Variants in PCDHA8 observed in about 807,000 individuals in gnomAD.
The protein encoded by PCDHA8 is protocadherin alpha 8.
A neutral mutation model predicts 61.8 loss-of-function variants in PCDHA8; 53 were observed. The ratio of observed to expected loss-of-function variants is 0.86; its 90% CI spans 0.69 to 1.08. The LOEUF (loss-of-function observed/expected upper bound fraction) is 1.08, where lower values mean the gene tolerates loss of function less well. PCDHA8 is among the 50% of genes least tolerant of loss of function. The pLI is 0.00. For synonymous variants in PCDHA8, 618 were observed against 556.6 expected (o/e 1.11, Z -1.55); for missense variants, 1,293 against 1,245.0 (o/e 1.04, Z -0.58).
intron 1 of PCDHA8, chr5:140,876,905 C>T (rs782526620): frequency 2.5e-6 from 4 of 1,614,032 alleles, no homozygotes; most frequent in Non-Finnish European, 3.4e-6. Context: ...TTCACGGTGT[C>T]GGCATGGGAC....
At chr5:140,917,329 G>GGGGGGGGGGGGT (rs1563018868) in intron 1 of PCDHA8, among the ~76,000 whole-genome samples, 1 of 143,928 alleles carries the variant, frequency 6.9e-6, no homozygotes, top group Non-Finnish European at 1.5e-5. Context: ...TGTGGCGGGG[G>GGGGGGGGGGGGT]AGGGGGGGGA....
intron 1 of PCDHA8, among the ~76,000 whole-genome samples, chr5:140,932,168 A>G (rs1279324749): frequency 1.3e-5 from 2 of 151,944 alleles, no homozygotes; most frequent in African/African-American, 4.8e-5. Flanking sequence ...ACAATTAGAC[A>G]ATGTGTACCT....
Position 140,968,215 on chromosome 5 carries a change from G to T in PCDHA8, c.2395-10734G>T, listed in dbSNP as rs782676713. The stretch of plus-strand genomic sequence containing the variant: ...CCATCTACATACAGGAGAACAATTT[G>T]CCAGGTGTGTTGCTCTGTACTGTGC... On this transcript the variant is annotated intron_variant, in intron 1 of 3. Transcript: ENST00000531613. 3.1e-6 allele frequency: 5 copies of T among 1,613,862 alleles called. No homozygotes were observed. In the East Asian group the frequency reaches 1.1e-4, roughly 36 times the overall value.
chr5:140,911,455 C>G (rs1266220741), intron 1 of PCDHA8, among the ~76,000 whole-genome samples: 3 of 152,132 alleles, frequency 2.0e-5, no homozygotes, highest in African/African-American at 7.2e-5. Flanking sequence ...AGCTCTTTCT[C>G]TACAGGAGAT....
chr5:140,870,329 A>G, intron 1 of PCDHA8: 1 of 1,614,160 alleles, frequency 6.2e-7, no homozygotes, highest in Non-Finnish European at 8.5e-7. Context: ...TTGGTGCTGG[A>G]CAGCGCCCTG....
intron 1 of PCDHA8, among the ~76,000 whole-genome samples, chr5:140,935,451 T>C (rs2090381894): frequency 6.6e-6 from 1 of 152,232 alleles, no homozygotes; most frequent in African/African-American, 2.4e-5. Context: ...AATATGATAC[T>C]GTAGCAGTTT....
chr5:141,010,321 G>C lies in PCDHA8; in HGVS notation c.*384G>C. On this transcript the variant is annotated 3_prime_UTR_variant, in exon 4 of 4. Transcript: ENST00000531613. Reference sequence around the variant, plus strand: ...GGCTGAAAAGTTTTGAGATTGAGCAGCTTGGGAGTTTGTGGCCACTGGGTA... The same window carrying C: ...GGCTGAAAAGTTTTGAGATTGAGCACCTTGGGAGTTTGTGGCCACTGGGTA... 7 of 1,541,244 alleles carry C rather than the reference G, an allele frequency of 4.5e-6. No homozygotes were observed. In the South Asian group the frequency reaches 8.5e-5, roughly 19 times the overall value.
intron 1 of PCDHA8, chr5:140,967,039 G>GCTGGAC (rs1192512561): frequency 1.2e-6 from 2 of 1,611,626 alleles, no homozygotes; most frequent in Non-Finnish European, 1.7e-6. Flanking sequence ...GCTACCTGGA[G>GCTGGAC]CTGGACCTGA....
At chr5:140,846,064 C>T (rs2150218418) in intron 1 of PCDHA8, among the ~76,000 whole-genome samples, 1 of 149,696 alleles carries the variant, frequency 6.7e-6, no homozygotes, top group East Asian at 1.9e-4. Flanking sequence ...TGTGGGAAAA[C>T]AGTTTTTTGG....
At position 140,927,035 on chromosome 5, in the gene PCDHA8, C is replaced by A. The variant is rs1554203936; in HGVS notation, c.2395-51914C>A. 2 of 1,612,296 alleles carry A rather than the reference C, an allele frequency of 1.2e-6. No homozygotes were observed. The highest frequency in any genetic ancestry group is 1.7e-6 in the Non-Finnish European group (2 of 1,178,902). Reference sequence around the variant, plus strand: ...TCCGCGGACTTGAGGCTGCCAGCGGCCGCTATGTCCTCGCGGAACTTTCGC... The same window carrying A: ...TCCGCGGACTTGAGGCTGCCAGCGGACGCTATGTCCTCGCGGAACTTTCGC... On this transcript the variant is annotated intron_variant, in intron 1 of 3. Transcript: ENST00000531613.
At chr5:140,887,192 G>A (rs2061344460) in intron 1 of PCDHA8, among the ~76,000 whole-genome samples, 1 of 151,802 alleles carries the variant, frequency 6.6e-6, no homozygotes, top group African/African-American at 2.4e-5. Flanking sequence ...CACCTCCCGG[G>A]TTCACGCCAT....
In PCDHA8 at chr5:140,843,070, G is replaced by T. The variant is rs2150351793; in HGVS notation, c.1749G>T (p.Arg583=). The stretch of plus-strand genomic sequence containing the variant: ...GCGCAGCGAGCAAGCTGGTGCCGCG[G>T]TCTGTGGGCGCGGGCCACGTGGTAG... ...TGGAASKLVP[R]SVGAGHVVAK... Residue 583 remains arginine (R), a synonymous_variant, in exon 1 of 4, where the codon CGG becomes CGT. Transcript: ENST00000531613. 3.1e-6 allele frequency: 5 copies of T among 1,595,368 alleles called. No homozygotes were observed. The highest frequency in any genetic ancestry group is 2.2e-5 in the East Asian group (1 of 44,814).
chr5:140,995,346 A>G (rs2097678208), intron 3 of PCDHA8, among the ~76,000 whole-genome samples: 2 of 151,964 alleles, frequency 1.3e-5, no homozygotes, highest in South Asian at 4.2e-4. Context: ...GACGGCATGG[A>G]TAGGTCGGAC....
intron 1 of PCDHA8, chr5:140,862,344 G>C (rs1303625702): frequency 3.0e-6 from 1 of 333,098 alleles, no homozygotes; most frequent in Non-Finnish European, 5.9e-6. Flanking sequence ...CCTAACTTCA[G>C]TGCCAAGGGA....
At position 140,842,293 on chromosome 5, in the gene PCDHA8, C is replaced by T; in HGVS notation, c.972C>T (p.Asp324=). Residue 324 remains aspartate, a synonymous_variant, in exon 1 of 4, where the codon GAC becomes GAT. Coordinates refer to ENST00000531613, the MANE Select transcript of PCDHA8 (RefSeq NM_018911.3). ...ACAAAATCCTCATTGACGCCACGGACAAAGGCCATCCTCCCATGGCGGGTC... is the reference window on the plus strand; with the variant it reads ...ACAAAATCCTCATTGACGCCACGGATAAAGGCCATCCTCCCATGGCGGGTC... The part of the protein sequence containing the change: ...NLYKILIDAT[D]KGHPPMAGHC... 6.2e-7 allele frequency: 1 copy of T among 1,609,994 alleles called. No homozygotes were observed. The highest frequency in any genetic ancestry group is 1.1e-5 in the South Asian group (1 of 90,988).
Position 140,926,391 on chromosome 5 carries a change from A to T in PCDHA8, c.2395-52558A>T, listed in dbSNP as rs76822698. On this transcript the variant is annotated intron_variant, in intron 1 of 3. Coordinates refer to ENST00000531613, the MANE Select transcript of PCDHA8 (RefSeq NM_018911.3). ...AGGAAGAGCCCAGCTGGGCTCAGCCACAGTTATCAGCAATCTGCGGGCAGA... is the reference window on the plus strand; with the variant it reads ...AGGAAGAGCCCAGCTGGGCTCAGCCTCAGTTATCAGCAATCTGCGGGCAGA... 1,228 of 152,462 alleles carry T rather than the reference A, an allele frequency of 8.1e-3. 5 individuals carry two copies. The highest frequency in any genetic ancestry group is 0.019 in the African/African-American group (792 of 41,554). The allele number at this position is 152,462 out of a possible 1,614,324, so 9.4% of individuals were successfully genotyped here.
chr5:140,928,570 C>T (rs2085340367), intron 1 of PCDHA8: 1 of 1,614,196 alleles, frequency 6.2e-7, no homozygotes, highest in African/African-American at 1.3e-5. Context: ...GTTTCCCTTG[C>T]CCAGAAATGG....
At chr5:140,847,029 A>T (rs1780820329) in intron 1 of PCDHA8, among the ~76,000 whole-genome samples, 1 of 149,824 alleles carries the variant, frequency 6.7e-6, no homozygotes, top group African/African-American at 2.4e-5. Context: ...TTGGAAAGAG[A>T]AAACATAAGG....
intron 1 of PCDHA8, among the ~76,000 whole-genome samples, chr5:140,921,833 T>C (rs1228666561): frequency 1.3e-5 from 2 of 152,094 alleles, no homozygotes; most frequent in Admixed American, 6.6e-5. Flanking sequence ...TATACACATA[T>C]AGACATATTT....
Sources: gnomAD v4.1 joint callset for allele counts (sites outside exome capture counted in the v4.1 genomes callset) on GRCh38, gnomAD v4.1.1 for gene constraint, MANE v1.5 for transcripts, NCBI Gene and HGNC (gene_info 2026-07-23, HGNC 2026-07-21) for gene names.